Variants in LYRM4 observed in about 807,000 individuals in gnomAD.
The protein encoded by LYRM4 is LYR motif-containing protein 4.
LYRM4 carries 9 observed loss-of-function variants against 11.7 expected under a neutral mutation model. That is an observed-to-expected ratio of 0.77 (90% CI 0.46 to 1.34). The LOEUF (loss-of-function observed/expected upper bound fraction) is 1.34, where lower values mean the gene tolerates loss of function less well. Among genes scored for constraint, LYRM4 ranks in the 40% most tolerant of loss-of-function variants. The pLI, the probability that LYRM4 is intolerant of heterozygous loss-of-function variation, is 0.00. For synonymous variants in LYRM4, 42 were observed against 40.4 expected, an observed-to-expected ratio of 1.04 and a Z score of -0.15; for missense variants, 133 against 112.5, an observed-to-expected ratio of 1.18 and a Z score of -0.82.
At chr6:5,094,068 C>G in the LYRM4 span, among the ~76,000 whole-genome samples, 1 of 152,210 alleles carries the variant, frequency 6.6e-6, no homozygotes, top group African/African-American at 2.4e-5. Context: ...TTATCAGCTA[C>G]ACAGCAGTGG....
At chr6:5,221,949 G>T (rs1343361485) in intron 1 of LYRM4, among the ~76,000 whole-genome samples, 1 of 152,060 alleles carries the variant, frequency 6.6e-6, no homozygotes, top group Admixed American at 6.6e-5. Flanking sequence ...CTTCTCTCTC[G>T]AAGTTATTTA....
At chr6:5,067,535 G>C in the LYRM4 span, among the ~76,000 whole-genome samples, 3 of 152,172 alleles carry the variant, frequency 2.0e-5, no homozygotes, top group Non-Finnish European at 4.4e-5. Context: ...AGGGAGAGCT[G>C]GGGGAGTGCT....
intron 1 of LYRM4, chr6:5,236,438 C>T (rs1027231381): frequency 4.6e-5 from 7 of 151,386 alleles, no homozygotes; most frequent in African/African-American, 1.7e-4. Context: ...GCACTCCAGC[C>T]TGGGCGACAG....
the LYRM4 span, among the ~76,000 whole-genome samples, chr6:5,091,696 A>G: frequency 1.3e-5 from 2 of 152,220 alleles, no homozygotes; most frequent in South Asian, 4.1e-4. Context: ...AGATTTTCCT[A>G]CTGAGTTGGT....
chr6:5,235,839 T>C (rs1299360939), intron 1 of LYRM4, among the ~76,000 whole-genome samples: 1 of 152,210 alleles, frequency 6.6e-6, no homozygotes, highest in African/African-American at 2.4e-5. Context: ...CAGAAGAAAA[T>C]GTGTTTACTG....
downstream of LYRM4, chr6:5,103,163 C>A (rs1762554725): frequency 6.6e-6 from 1 of 152,240 alleles, no homozygotes; most frequent in Non-Finnish European, 1.5e-5. Flanking sequence ...AGAAAGCCTG[C>A]TGAATCGTAA....
downstream of LYRM4, among the ~76,000 whole-genome samples, chr6:5,101,968 C>CATTTTTTTT (rs556454653): frequency 2.9e-5 from 2 of 67,988 alleles, no homozygotes; most frequent in African/African-American, 9.1e-5. Flanking sequence ...CTAATGCTTT[C>CATTTTTTTT]TTTTTTTTTT....
chr6:5,147,361 C>T lies in LYRM4; in HGVS notation c.208-37870G>A, dbSNP rs999248214. On this transcript the variant is annotated intron_variant, in intron 2 of 2. Transcript: ENST00000330636. ...AAAGTCACTGATGTCATATTTTAAC[C>T]TGGATTTTGGGTTAAATAATGGATA... is the stretch of plus-strand genomic sequence containing the variant. Among the ~76,000 whole-genome samples, 3 of 152,104 alleles carry T rather than the reference C, an allele frequency of 2.0e-5. No homozygotes were observed. In the East Asian group the frequency reaches 5.8e-4, roughly 29 times the overall value.
At chr6:5,221,694 G>GAACAAACA (rs550324271) in intron 1 of LYRM4, among the ~76,000 whole-genome samples, 1 of 152,106 alleles carries the variant, frequency 6.6e-6, no homozygotes, top group Non-Finnish European at 1.5e-5. Flanking sequence ...AATGTCTCAA[G>GAACAAACA]AACAAACAAA....
chr6:5,256,773 T>C (rs1358420538), intron 1 of LYRM4, among the ~76,000 whole-genome samples: 4 of 152,036 alleles, frequency 2.6e-5, no homozygotes, highest in African/African-American at 9.7e-5. Context: ...ACCCTAAATA[T>C]GAACTAAAAA....
At chr6:5,156,540 T>G (rs1338533284) in intron 2 of LYRM4, among the ~76,000 whole-genome samples, 2 of 152,152 alleles carry the variant, frequency 1.3e-5, no homozygotes, top group East Asian at 3.9e-4. Flanking sequence ...AGCAAAGCAA[T>G]GGTGCACGTG....
At chr6:5,229,582 T>C (rs1226209281) in intron 1 of LYRM4, among the ~76,000 whole-genome samples, 1 of 152,218 alleles carries the variant, frequency 6.6e-6, no homozygotes, top group Non-Finnish European at 1.5e-5. Context: ...GGCTATCCTC[T>C]GACTCAGCCC....
At chr6:5,120,320 T>G (rs902756969) in intron 2 of LYRM4, among the ~76,000 whole-genome samples, 3 of 152,174 alleles carry the variant, frequency 2.0e-5, no homozygotes, top group Admixed American at 2.0e-4. Context: ...GCACACATGT[T>G]AAGGCAGAGG....
intron 1 of LYRM4, among the ~76,000 whole-genome samples, chr6:5,225,828 T>C (rs576052100): frequency 1.3e-5 from 2 of 152,362 alleles, no homozygotes; most frequent in East Asian, 3.9e-4. Flanking sequence ...CAAGTTTATG[T>C]CCCCAACATC....
In LYRM4 at chr6:5,134,982, G is replaced by A. The variant is rs1246801684; in HGVS notation, c.208-25491C>T. On this transcript the variant is annotated intron_variant, in intron 2 of 2. Transcript: ENST00000330636. The stretch of plus-strand genomic sequence containing the variant: ...GTGGAGGGTGCGGATCGCTCCCGGG[G>A]CTGTGGAGGGTGCGGATCGCTCCCG... Among the ~76,000 whole-genome samples the A allele has an allele frequency of 1.3e-3, 169 of 125,636 alleles. 2 individuals are homozygous for A. Among genetic ancestry groups the A allele is most frequent in the African/African-American group, 4.4e-3 (142 of 32,366 alleles). 82.4% of individuals were successfully genotyped at this position (125,636 alleles called of 152,430 possible).
intron 2 of LYRM4, among the ~76,000 whole-genome samples, chr6:5,110,977 C>T (rs942595288): frequency 2.0e-5 from 3 of 152,138 alleles, no homozygotes; most frequent in Admixed American, 6.5e-5. Context: ...TCAGGGGCTA[C>T]GGTACAGTCA....
At chr6:5,175,604 G>T (rs1308986693) in intron 2 of LYRM4, among the ~76,000 whole-genome samples, 3 of 152,124 alleles carry the variant, frequency 2.0e-5, no homozygotes. Context: ...GGCCTGTGGT[G>T]GTTTTAAAAC....
At chr6:5,198,231 A>G (rs995773462) in intron 2 of LYRM4, among the ~76,000 whole-genome samples, 2 of 152,132 alleles carry the variant, frequency 1.3e-5, no homozygotes, top group African/African-American at 2.4e-5. Flanking sequence ...AGGGAGGGCA[A>G]CTAACTGAGT....
chr6:5,227,157 T>C (rs1038524472), intron 1 of LYRM4, among the ~76,000 whole-genome samples: 5 of 151,992 alleles, frequency 3.3e-5, no homozygotes, highest in African/African-American at 7.2e-5. Flanking sequence ...AGAAATAAGG[T>C]TGTGGAGCTA....
Sources: allele counts gnomAD v4.1 joint callset (sites outside exome capture counted in the v4.1 genomes callset), GRCh38; gene constraint gnomAD v4.1.1; transcripts MANE v1.5; gene names NCBI Gene and HGNC (gene_info 2026-07-23, HGNC 2026-07-21).